NR5A2: variants seen among roughly 807,000 people sequenced by gnomAD.
NR5A2 encodes the protein CYP7A promoter-binding factor.
In NR5A2, 26 loss-of-function variants were observed where a neutral mutation model predicts 62.7. That is an observed-to-expected ratio of 0.41 (90% CI 0.30 to 0.58). NR5A2 has a LOEUF of 0.58. Ranked by LOEUF, NR5A2 falls within the 20% of genes least tolerant of loss-of-function variation. NR5A2 has a pLI of 0.22. For synonymous variants in NR5A2, 246 were observed against 241.7 expected (o/e 1.02, Z -0.16); for missense variants, 541 against 669.1 (o/e 0.81, Z 2.11).
At chr1:200,096,585 A>AACTC (rs1665113091) in intron 5 of NR5A2, among the ~76,000 whole-genome samples, 1 of 152,086 alleles carries the variant, frequency 6.6e-6, no homozygotes, top group Admixed American at 6.5e-5. Flanking sequence ...GAATTACCTT[A>AACTC]TTGTTTGACA....
intron 5 of NR5A2, among the ~76,000 whole-genome samples, chr1:200,073,999 G>A (rs973335698): frequency 2.6e-5 from 4 of 152,108 alleles, no homozygotes; most frequent in Non-Finnish European, 5.9e-5. Context: ...TGCAGAGATG[G>A]TGCCATTTGA....
At chr1:200,161,960 A>G (rs1653662876) in intron 7 of NR5A2, among the ~76,000 whole-genome samples, 2 of 152,170 alleles carry the variant, frequency 1.3e-5, no homozygotes, top group African/African-American at 4.8e-5. Flanking sequence ...AGAGAATGCA[A>G]TCTAGCAGGA....
Position 200,142,111 on chromosome 1 carries a change from C to G in NR5A2, c.1378+21156C>G, listed in dbSNP as rs1207078984. On this transcript the variant is annotated intron_variant, in intron 7 of 7. Transcript: ENST00000367362. ...ACTGTGCTGCTTTTTGCATAATTCC[C>G]TCTTCAACTATATCCAGTCTAGCAC... Among the ~76,000 whole-genome samples the G allele has an allele frequency of 7.3e-5, 11 of 151,408 alleles. No individual in the cohort carries two copies. In the East Asian group the frequency reaches 2.1e-3, roughly 29 times the overall value.
intron 5 of NR5A2, among the ~76,000 whole-genome samples, chr1:200,091,073 C>T (rs962990149): frequency 6.6e-5 from 10 of 152,116 alleles, no homozygotes; most frequent in African/African-American, 2.4e-4. Flanking sequence ...GGCCCCAAGA[C>T]AATTAAGAGA....
At chr1:200,119,991 A>T (rs190294964) in intron 6 of NR5A2, among the ~76,000 whole-genome samples, 105 of 152,252 alleles carry the variant, frequency 6.9e-4, no homozygotes, top group African/African-American at 2.3e-3. Flanking sequence ...TCCTAAATAA[A>T]GTTATTGCTG....
At chr1:200,151,923 C>T (rs1571563480) in intron 7 of NR5A2, among the ~76,000 whole-genome samples, 1 of 152,220 alleles carries the variant, frequency 6.6e-6, no homozygotes, top group African/African-American at 2.4e-5. Flanking sequence ...TGTGTGAATA[C>T]AGAGTAATAT....
Position 200,176,820 on chromosome 1 carries a change from C to A in NR5A2, c.*2610C>A, listed in dbSNP as rs1232780256. ...ACCTGGCTACGTTGACTCTTAAAAT[C>A]TATGTTCTCTTATTTTAAAGATACA... On this transcript the variant is annotated 3_prime_UTR_variant, in exon 8 of 8. Transcript: ENST00000367362. 3 of 152,082 alleles carry A rather than the reference C, an allele frequency of 2.0e-5. No homozygotes were observed. Among genetic ancestry groups the A allele is most frequent in the African/African-American group, 7.2e-5 (3 of 41,396 alleles). The allele number at this position is 152,082 out of a possible 1,614,324, so 9.4% of individuals were successfully genotyped here.
rs1265824331 is a variant in NR5A2 at position 200,059,017 on chromosome 1, G to C, written c.1110+10199G>C. ...CCCAGCTACTTGGGAGGCTGAGGTA[G>C]GAGAATCACTTGACCTCAGGAGGCG... On this transcript the variant is annotated intron_variant, in intron 5 of 7. Transcript: ENST00000367362. Among the ~76,000 whole-genome samples, 7 of 152,058 alleles carry C rather than the reference G, an allele frequency of 4.6e-5. No individual in the cohort carries two copies. In the East Asian group the frequency reaches 5.9e-4, roughly 13 times the overall value.
chr1:200,092,703 GA>G (rs3838441), intron 5 of NR5A2, among the ~76,000 whole-genome samples: 16 of 146,442 alleles, frequency 1.1e-4, no homozygotes, highest in African/African-American at 2.8e-4. Flanking sequence ...CAGTTAGTCA[GA>G]AAAAAAAAAG....
chr1:200,121,091 C>A, intron 7 of NR5A2, 136 bp downstream of exon 7: 1 of 889,942 alleles, frequency 1.1e-6, no homozygotes, highest in Non-Finnish European at 1.7e-6. Flanking sequence ...AATCTTCAAA[C>A]GTGAATATAT....
chr1:200,169,254 A>T (rs1392668031), intron 7 of NR5A2, among the ~76,000 whole-genome samples: 1 of 152,144 alleles, frequency 6.6e-6, no homozygotes, highest in Non-Finnish European at 1.5e-5. Context: ...AATTTTTAAA[A>T]AATAAAAAAT....
At chr1:200,137,753 GAT>G (rs1667290097) in intron 7 of NR5A2, among the ~76,000 whole-genome samples, 1 of 152,076 alleles carries the variant, frequency 6.6e-6, no homozygotes, top group South Asian at 2.1e-4. Context: ...ATATAGACAG[GAT>G]AGAGTTTAGT....
At position 200,120,837 on chromosome 1, in the gene NR5A2, C is replaced by T. The variant is rs372651488; in HGVS notation, c.1260C>T (p.Ala420=). 24 of 1,578,862 alleles carry T rather than the reference C, an allele frequency of 1.5e-5. No individual in the cohort carries two copies. Among genetic ancestry groups the T allele is most frequent in the Middle Eastern group, 3.4e-4 (2 of 5,904 alleles). Residue 420 remains alanine (A), a synonymous_variant, in exon 7 of 8, where the codon GCC becomes GCT. Transcript: ENST00000367362. ...ACTATTCCATAATAGCATCACAAGC[C>T]GGAGCCACCCTCAACAACCTCATGA... The part of the protein sequence containing the change: ...QVDYSIIASQ[A]GATLNNLMSH...
chr1:200,113,336 A>G (rs2821330), intron 6 of NR5A2, among the ~76,000 whole-genome samples: 56,149 of 151,966 alleles, frequency 0.37, 11,088 homozygotes, highest in South Asian at 0.45. Flanking sequence ...TTTTTCATCC[A>G]GTCCAGTGGC....
chr1:200,148,124 C>T (rs528447427), intron 7 of NR5A2: 5 of 346,254 alleles, frequency 1.4e-5, no homozygotes, highest in Non-Finnish European at 1.4e-5. Flanking sequence ...TCTCAAAGTC[C>T]TCCTTGCCCA....
rs1403217357 is a variant in NR5A2 at position 200,113,823 on chromosome 1, G to A, written c.1230+2502G>A. Reference sequence around the variant, plus strand: ...GAAGGTAGTTAAAACAATGATGAGTGGAAGGAAAGGAATATATTAAGTATA... The same window carrying A: ...GAAGGTAGTTAAAACAATGATGAGTAGAAGGAAAGGAATATATTAAGTATA... On this transcript the variant is annotated intron_variant, in intron 6 of 7. Coordinates refer to ENST00000367362, the MANE Select transcript of NR5A2 (RefSeq NM_205860.3). Among the ~76,000 whole-genome samples the A allele has an allele frequency of 4.6e-5, 7 of 152,068 alleles. No individual in the cohort carries two copies. In the East Asian group the frequency reaches 1.3e-3, roughly 29 times the overall value.
At chr1:200,117,299 T>C (rs2102304203) in intron 6 of NR5A2, among the ~76,000 whole-genome samples, 1 of 152,362 alleles carries the variant, frequency 6.6e-6, no homozygotes, top group South Asian at 2.1e-4. Context: ...GATCTGAATG[T>C]TGTTTCAAGA....
intron 1 of NR5A2, among the ~76,000 whole-genome samples, chr1:200,036,118 C>T (rs1472059280): frequency 6.6e-6 from 1 of 152,120 alleles, no homozygotes; most frequent in Non-Finnish European, 1.5e-5. Flanking sequence ...TGGGTCAGTG[C>T]AGACCACCGC....
chr1:200,103,004 AT>A (rs1665457888), intron 5 of NR5A2, among the ~76,000 whole-genome samples: 1 of 152,014 alleles, frequency 6.6e-6, no homozygotes, highest in African/African-American at 2.4e-5. Flanking sequence ...GCTGTGTGAC[AT>A]TTGGAAAGTT....
Sources: gnomAD v4.1 joint callset for allele counts (sites outside exome capture counted in the v4.1 genomes callset) on GRCh38, gnomAD v4.1.1 for gene constraint, MANE v1.5 for transcripts, NCBI Gene and HGNC (gene_info 2026-07-23, HGNC 2026-07-21) for gene names.